Variants in TFDP2 observed in about 807,000 individuals in gnomAD.
TFDP2 encodes the protein transcription factor Dp-2.
In TFDP2, 17 loss-of-function variants were observed where a neutral mutation model predicts 59.3. The observed-to-expected ratio is 0.29, with a 90% CI of 0.20 to 0.43. The LOEUF (loss-of-function observed/expected upper bound fraction) is 0.43. Ranked by LOEUF, TFDP2 falls within the 20% of genes least tolerant of loss-of-function variation. TFDP2 has a pLI of 1.00. For missense variants in TFDP2, 391 were observed against 528.8 expected (o/e 0.74, Z 2.56); for synonymous variants, 180 against 194.7 (o/e 0.92, Z 0.63).
chr3:142,048,648 C>T (rs567834347), intron 3 of TFDP2, among the ~76,000 whole-genome samples: 57 of 152,252 alleles, frequency 3.7e-4, no homozygotes, highest in African/African-American at 1.3e-3. Flanking sequence ...TCACTACAAC[C>T]TTGACTTCCC....
intron 4 of TFDP2, among the ~76,000 whole-genome samples, chr3:141,998,634 T>C (rs1943500660): frequency 6.6e-6 from 1 of 151,762 alleles, no homozygotes; most frequent in Non-Finnish European, 1.5e-5. Context: ...AAAAAAAATT[T>C]GAAGTACTGA....
At chr3:142,144,679 C>A (rs1394644016) in intron 1 of TFDP2, among the ~76,000 whole-genome samples, 1 of 152,026 alleles carries the variant, frequency 6.6e-6, no homozygotes, top group Admixed American at 6.6e-5. Context: ...GTACCTGGGA[C>A]TATAGGCACA....
At chr3:142,120,035 G>A (rs193299128) in intron 1 of TFDP2, among the ~76,000 whole-genome samples, 3 of 151,860 alleles carry the variant, frequency 2.0e-5, no homozygotes, top group Non-Finnish European at 4.4e-5. Context: ...GGGCGACAGA[G>A]CAAGACTCCA....
intron 3 of TFDP2, among the ~76,000 whole-genome samples, chr3:142,035,734 A>G (rs752983958): frequency 4.6e-5 from 7 of 152,052 alleles, no homozygotes; most frequent in Non-Finnish European, 1.0e-4. Context: ...GACTCATGAG[A>G]TCTGCTGGTT....
At chr3:141,991,002 G>A (rs548716039) in intron 6 of TFDP2, among the ~76,000 whole-genome samples, 2 of 151,166 alleles carry the variant, frequency 1.3e-5, no homozygotes, top group East Asian at 2.0e-4. Flanking sequence ...AAGTTGCAGC[G>A]AGCCGAGATC....
chr3:142,118,947 G>A (rs2108689102), intron 1 of TFDP2, among the ~76,000 whole-genome samples: 1 of 152,240 alleles, frequency 6.6e-6, no homozygotes, highest in South Asian at 2.1e-4. Flanking sequence ...GATCACTTGA[G>A]GCCAGGAGTT....
intron 9 of TFDP2, among the ~76,000 whole-genome samples, chr3:141,967,374 C>G (rs1344767769): frequency 6.6e-6 from 1 of 150,752 alleles, no homozygotes; most frequent in Non-Finnish European, 1.5e-5. Context: ...CTCACTGCAA[C>G]CTCTGCCTCC....
At chr3:142,077,767 G>A (rs974181851) in intron 3 of TFDP2, among the ~76,000 whole-genome samples, 11 of 152,126 alleles carry the variant, frequency 7.2e-5, no homozygotes, top group Non-Finnish European at 1.6e-4. Context: ...TGGGTCATAT[G>A]AGAAACTCCT....
At chr3:141,992,074 GA>G (rs1553768572) in intron 6 of TFDP2, among the ~76,000 whole-genome samples, 1 of 132,562 alleles carries the variant, frequency 7.5e-6, no homozygotes, top group Admixed American at 7.7e-5. Flanking sequence ...AAGAAAGAAA[GA>G]AAGAAGGAAG....
At chr3:142,034,342 G>A (rs1208113345) in intron 3 of TFDP2, among the ~76,000 whole-genome samples, 4 of 151,760 alleles carry the variant, frequency 2.6e-5, no homozygotes, top group East Asian at 1.9e-4. Flanking sequence ...CAGGTGATCC[G>A]CCCACCTCGG....
intron 11 of TFDP2, among the ~76,000 whole-genome samples, chr3:141,954,434 C>T (rs112421263): frequency 0.075 from 11,340 of 151,900 alleles, 526 homozygotes; most frequent in Non-Finnish European, 0.11. Flanking sequence ...CTCAGGAGTT[C>T]GAGACCAGCC....
rs537489520 is a variant in TFDP2 at position 141,951,635 on chromosome 3, T to C, written c.*878A>G. The C allele has an allele frequency of 6.5e-6, 1 of 152,816 alleles. No individual in the cohort carries two copies. Among genetic ancestry groups the C allele is most frequent in the East Asian group, 1.9e-4 (1 of 5,194 alleles). The allele number at this position is 152,816 out of a possible 1,614,324, so 9.5% of individuals were successfully genotyped here. A position where few individuals can be genotyped will look rare whatever the true frequency, so the allele number is the denominator to read the frequency against. Reference sequence around the variant, plus strand: ...GAACTGTAGGCAAGCAATTTGGTCATAGGAATTTGTTTCTTTGTCTTGTTT... The same window carrying C: ...GAACTGTAGGCAAGCAATTTGGTCACAGGAATTTGTTTCTTTGTCTTGTTT... On this transcript the variant is annotated 3_prime_UTR_variant, in exon 13 of 13. Transcript: ENST00000489671.
chr3:141,974,230 G>A, intron 7 of TFDP2, 39 bp from the exon 8 acceptor site: 2 of 1,531,924 alleles, frequency 1.3e-6, no homozygotes, highest in Middle Eastern at 1.9e-4. Context: ...AAATCTTAAG[G>A]GTTAAGATAC....
intron 8 of TFDP2, among the ~76,000 whole-genome samples, chr3:141,970,745 C>T (rs144755445): frequency 1.3e-5 from 2 of 152,156 alleles, no homozygotes; most frequent in Admixed American, 6.5e-5. Context: ...CCAATGAGGA[C>T]AGCTGATAAT....
rs138898443 is a variant in TFDP2 at position 142,057,144 on chromosome 3, G to C, written c.82+35917C>G. On this transcript the variant is annotated intron_variant, in intron 3 of 12. Transcript: ENST00000489671. ...AGGTGGTGGATCCAGAGGGACCACAGCTGGGACTGTCAGTCATTTGTGCCT... is the reference window on the plus strand; with the variant it reads ...AGGTGGTGGATCCAGAGGGACCACACCTGGGACTGTCAGTCATTTGTGCCT... Among the ~76,000 whole-genome samples the C allele has an allele frequency of 2.1e-3, 315 of 152,318 alleles. 1 individual carries two copies. Among genetic ancestry groups the C allele is most frequent in the African/African-American group, 7.3e-3 (304 of 41,566 alleles).
intron 3 of TFDP2, among the ~76,000 whole-genome samples, chr3:142,006,101 A>G (rs1363653348): frequency 6.6e-6 from 1 of 152,250 alleles, no homozygotes; most frequent in Non-Finnish European, 1.5e-5. Context: ...TTAATACTAG[A>G]AACAGTGGGA....
At chr3:142,061,889 TACACACACACA>T (rs1389829963) in intron 3 of TFDP2, among the ~76,000 whole-genome samples, 2,502 of 79,892 alleles carry the variant, frequency 0.031, 100 homozygotes, top group African/African-American at 0.085. Flanking sequence ...TCTCTCTCTC[TACACACACACA>T]CACACACACA....
intron 3 of TFDP2, among the ~76,000 whole-genome samples, chr3:142,057,212 A>G (rs1284820345): frequency 6.6e-6 from 1 of 152,226 alleles, no homozygotes; most frequent in Non-Finnish European, 1.5e-5. Context: ...CATGGCCACC[A>G]TAAGATTACA....
At chr3:141,968,695 TAA>T (rs1938821835) in intron 9 of TFDP2, among the ~76,000 whole-genome samples, 1 of 110,978 alleles carries the variant, frequency 9.0e-6, no homozygotes, top group African/African-American at 3.8e-5. Context: ...TAGATATATA[TAA>T]CACATATATA....
Sources: allele counts gnomAD v4.1 joint callset (sites outside exome capture counted in the v4.1 genomes callset), GRCh38; gene constraint gnomAD v4.1.1; transcripts MANE v1.5; gene names NCBI Gene and HGNC (gene_info 2026-07-23, HGNC 2026-07-21).